The following NCKAP5L variants were observed in gnomAD, a reference collection of about 807,000 sequenced individuals.
NCKAP5L encodes nck-associated protein 5-like.
NCKAP5L carries 54 observed loss-of-function variants against 103.2 expected under a neutral mutation model. The observed-to-expected ratio is 0.52, with a 90% confidence interval of 0.42 to 0.66. The LOEUF (loss-of-function observed/expected upper bound fraction) is 0.66, where lower values mean the gene tolerates loss of function less well. Ranked by LOEUF, NCKAP5L falls within the 30% of genes least tolerant of loss-of-function variation. The probability of loss-of-function intolerance (pLI) is 0.00; values close to 1 mark genes in which losing one functional copy is unlikely to be tolerated. For missense variants in NCKAP5L, 1,733 were observed against 1,750.6 expected (o/e 0.99, Z 0.18); for synonymous variants, 762 against 748.6 (o/e 1.02, Z -0.29).
chr12:49,796,377 C>T lies in NCKAP5L; in HGVS notation c.1483G>A (p.Gly495Ser), dbSNP rs145718102. Residue 495 changes from glycine to serine, a missense_variant, in exon 8 of 13, where the codon GGC (glycine) becomes AGC (serine). Coordinates refer to ENST00000335999, the MANE Select transcript of NCKAP5L (RefSeq NM_001037806.4). ...RIPCRNSGSD[G>S]SPSPLLARRG... ...CGGGCCAACAGTGGGGAGGGGCTGCCGTCTGAGCCACTGTTCCGACAGGGG... is the reference window on the plus strand; with the variant it reads ...CGGGCCAACAGTGGGGAGGGGCTGCTGTCTGAGCCACTGTTCCGACAGGGG... 0.011 allele frequency: 17,471 copies of T among 1,578,644 alleles called. 180 individuals are homozygous for T. The highest frequency in any genetic ancestry group is 0.038 in the Middle Eastern group (224 of 5,882).
chr12:49,802,670 T>C, intron 5 of NCKAP5L: 1 of 481,526 alleles, frequency 2.1e-6, no homozygotes, highest in East Asian at 3.3e-5. Flanking sequence ...TCAGATGCCA[T>C]TTAGGCTCAC....
At chr12:49,802,619 C>T in intron 5 of NCKAP5L, 1 of 316,364 alleles carries the variant, frequency 3.2e-6, no homozygotes, top group Non-Finnish European at 5.9e-6. Flanking sequence ...GTTAAAGTGG[C>T]CCCAATGTCA....
At position 49,796,633 on chromosome 12, in the gene NCKAP5L, G is replaced by A; in HGVS notation, c.1227C>T (p.Phe409=). 1 of 1,591,306 alleles carries A rather than the reference G, an allele frequency of 6.3e-7. No individual in the cohort carries two copies. Among genetic ancestry groups the A allele is most frequent in the Non-Finnish European group, 8.5e-7 (1 of 1,169,774 alleles). Residue 409 remains phenylalanine (F), a synonymous_variant, in exon 8 of 13, where the codon TTC becomes TTT. Coordinates refer to ENST00000335999, the MANE Select transcript of NCKAP5L (RefSeq NM_001037806.4). The stretch of plus-strand genomic sequence containing the variant: ...CCAGTGGGGCATCCCCAGCACCCAT[G>A]AACATGCTAAGGAAGGGGAGGGGCC... ...GQGPLPFLSM[F]MGAGDAPLGS...
At chr12:49,800,505 A>G (rs1166191030) in intron 6 of NCKAP5L, among the ~76,000 whole-genome samples, 1 of 152,268 alleles carries the variant, frequency 6.6e-6, no homozygotes, top group East Asian at 1.9e-4. Flanking sequence ...AGCAAAGCAC[A>G]AGCTGGGAAT....
In NCKAP5L at chr12:49,791,756, C is replaced by T. The variant is rs976914122; in HGVS notation, c.*83G>A. ...CCTTGGTCCCTTCAGGGAGGGGTCC[C>T]CGTCTCCGGGGGCTGGGCATGAAGA... On this transcript the variant is annotated 3_prime_UTR_variant, in exon 13 of 13. Coordinates refer to ENST00000335999, the MANE Select transcript of NCKAP5L (RefSeq NM_001037806.4). The T allele has an allele frequency of 2.3e-6, 3 of 1,307,826 alleles. No homozygotes were observed. The African/African-American group carries it at 4.5e-5, about 20-fold the overall frequency. The allele number at this position is 1,307,826 out of a possible 1,614,324, so 81.0% of individuals were successfully genotyped here. A position where few individuals can be genotyped will look rare whatever the true frequency, so the allele number is the denominator to read the frequency against.
intron 1 of NCKAP5L, among the ~76,000 whole-genome samples, chr12:49,820,974 G>A (rs1371725314): frequency 1.3e-5 from 2 of 152,198 alleles, no homozygotes; most frequent in East Asian, 1.9e-4. Context: ...CTCCCCTGCA[G>A]GGCACAGGAG....
intron 2 of NCKAP5L, chr12:49,805,446 C>T (rs909745505): frequency 3.2e-4 from 48 of 152,234 alleles, no homozygotes; most frequent in African/African-American, 1.2e-3. Flanking sequence ...AATTTCTCTG[C>T]TAGAGAAAAA....
At chr12:49,825,234 T>G (rs1041299735) in intron 1 of NCKAP5L, among the ~76,000 whole-genome samples, 1 of 152,210 alleles carries the variant, frequency 6.6e-6, no homozygotes, top group African/African-American at 2.4e-5. Context: ...ATTTGCATGT[T>G]CAATCAGAAA....
chr12:49,794,931 C>A lies in NCKAP5L; in HGVS notation c.2929G>T (p.Asp977Tyr). 2 of 1,565,234 alleles carry A rather than the reference C, an allele frequency of 1.3e-6. No individual in the cohort carries two copies. The highest frequency in any genetic ancestry group is 8.6e-7 in the Non-Finnish European group (1 of 1,156,384). ...TCCTCTTCCAGTGCCCGACGCAGGT[C>A]TTCCGCCTTGGCCATCAGCTTGGAG... is the stretch of plus-strand genomic sequence containing the variant. ...NISKLMAKAE[D>Y]LRRALEEEKA... The change falls in exon 8 of 13, where the codon GAC becomes TAC. Residue 977 changes from aspartate to tyrosine, a missense_variant. Coordinates refer to ENST00000335999, the MANE Select transcript of NCKAP5L (RefSeq NM_001037806.4).
Position 49,795,584 on chromosome 12 carries a change from G to A in NCKAP5L, c.2276C>T (p.Ala759Val), listed in dbSNP as rs1592747839. 6.4e-7 allele frequency: 1 copy of A among 1,558,924 alleles called. No individual in the cohort carries two copies. Among genetic ancestry groups the A allele is most frequent in the Non-Finnish European group, 8.7e-7 (1 of 1,155,178 alleles). The stretch of plus-strand genomic sequence containing the variant: ...TGAGACAGGCTCCAGGTCCACCCGG[G>A]CCCCCATGGAGTGAGAGGAGTAGAC... ...ARVYSSHSMGARVDLEPVSPR... is the reference protein window; with the variant it reads ...ARVYSSHSMGVRVDLEPVSPR... The change falls in exon 8 of 13, where the codon GCC (alanine) becomes GTC (valine). Residue 759 changes from alanine (A) to valine (V), a missense_variant. Ala to Val is a moderately conservative substitution (Grantham distance 64, BLOSUM62 0). Coordinates refer to ENST00000335999, the MANE Select transcript of NCKAP5L (RefSeq NM_001037806.4).
In NCKAP5L at chr12:49,795,973, C is replaced by A. The variant is rs1592748243; in HGVS notation, c.1887G>T (p.Glu629Asp). The change falls in exon 8 of 13, where the codon GAG becomes GAT. Residue 629 changes from glutamate to aspartate, a missense_variant. Coordinates refer to ENST00000335999, the MANE Select transcript of NCKAP5L (RefSeq NM_001037806.4). The stretch of plus-strand genomic sequence containing the variant: ...GGGTCCTGCGGCCGGGATGGGGAGA[C>A]TCCGAGCCTGCCTTGTCCAAACTCT... ...QEKSLDKAGS[E>D]SPHPGRRTPG... 3.3e-6 allele frequency: 5 copies of A among 1,536,160 alleles called. No individual in the cohort carries two copies. The highest frequency in any genetic ancestry group is 4.5e-5 in the East Asian group (2 of 44,428).
chr12:49,825,603 A>G (rs1946407449), intron 1 of NCKAP5L, among the ~76,000 whole-genome samples: 1 of 152,068 alleles, frequency 6.6e-6, no homozygotes, highest in Admixed American at 6.5e-5. Flanking sequence ...CTCCAGCATT[A>G]GCCACTTTCT....
At chr12:49,794,707 C>A in intron 8 of NCKAP5L, 58 bp downstream of exon 8, 1 of 1,340,772 alleles carries the variant, frequency 7.5e-7, no homozygotes, top group Non-Finnish European at 9.9e-7. Context: ...GGTGTGCCCA[C>A]GAAGGGAAAA....
chr12:49,800,565 C>T (rs1313708252), intron 6 of NCKAP5L, among the ~76,000 whole-genome samples: 3 of 152,298 alleles, frequency 2.0e-5, no homozygotes, highest in South Asian at 2.1e-4. Context: ...GGGCCAAGCG[C>T]GACACATCAT....
At chr12:49,816,495 C>CAAAAAAAAAAAAAA (rs1163941989) in intron 1 of NCKAP5L, among the ~76,000 whole-genome samples, 1 of 49,434 alleles carries the variant, frequency 2.0e-5, no homozygotes, top group African/African-American at 7.7e-5. Context: ...TCAACCCTCT[C>CAAAAAAAAAAAAAA]AAAAAAAAAA....
At chr12:49,793,713 G>A in intron 9 of NCKAP5L, 21 bp downstream of exon 9, 2 of 1,532,516 alleles carry the variant, frequency 1.3e-6, no homozygotes, top group Non-Finnish European at 8.8e-7. Context: ...CGTCCACCCA[G>A]TCCCTACCCC....
intron 1 of NCKAP5L, among the ~76,000 whole-genome samples, chr12:49,815,823 A>G (rs1278851465): frequency 6.6e-6 from 1 of 152,070 alleles, no homozygotes; most frequent in Non-Finnish European, 1.5e-5. Context: ...CTCTCTTGCC[A>G]TAAGATGTTC....
intron 3 of NCKAP5L, among the ~76,000 whole-genome samples, chr12:49,803,528 G>A (rs946811866): frequency 1.6e-4 from 25 of 152,242 alleles, no homozygotes; most frequent in East Asian, 5.8e-4. Flanking sequence ...AGAATGTGGT[G>A]AGGGGTGTGG....
At chr12:49,810,899 G>A (rs1273376613) in intron 1 of NCKAP5L, among the ~76,000 whole-genome samples, 1 of 152,130 alleles carries the variant, frequency 6.6e-6, no homozygotes, top group East Asian at 1.9e-4. Context: ...GCGTATAGAA[G>A]GGTCCTCAGA....
Sources: allele counts gnomAD v4.1 joint callset (sites outside exome capture counted in the v4.1 genomes callset), GRCh38; gene constraint gnomAD v4.1.1; transcripts MANE v1.5; gene names NCBI Gene and HGNC (gene_info 2026-07-23, HGNC 2026-07-21).